ACYP2: variants seen among roughly 807,000 people sequenced by gnomAD.
ACYP2 encodes the protein acylphosphatase-2.
In ACYP2, 12 loss-of-function variants were observed where a neutral mutation model predicts 11.2. The observed-to-expected ratio is 1.08, with a 90% CI of 0.69 to 1.74. ACYP2 has a LOEUF of 1.74. Ranked by LOEUF, ACYP2 falls within the 40% of genes most tolerant of loss-of-function variation. The pLI is 0.00. For missense variants in ACYP2, 134 were observed against 101.9 expected (o/e 1.31, Z -1.35); for synonymous variants, 43 against 32.2 (o/e 1.33, Z -1.13).
intron 2 of ACYP2, among the ~76,000 whole-genome samples, chr2:53,998,444 T>C (rs11904365): frequency 0.1 from 15,203 of 152,050 alleles, 1,067 homozygotes; most frequent in African/African-American, 0.2. Flanking sequence ...AATAAACGAA[T>C]TGGTTGGGAA....
intron 5 of ACYP2, among the ~76,000 whole-genome samples, chr2:54,136,324 G>A (rs962282270): frequency 1.1e-4 from 17 of 152,048 alleles, no homozygotes; most frequent in African/African-American, 4.1e-4. Context: ...CTGGCTCCAT[G>A]TTGCTTTTAA....
At chr2:54,034,961 G>A (rs962372484) in intron 2 of ACYP2, among the ~76,000 whole-genome samples, 4 of 132,938 alleles carry the variant, frequency 3.0e-5, no homozygotes, top group East Asian at 2.4e-4. Flanking sequence ...AGTGAGCTGA[G>A]ATCATGCCAC....
chr2:54,203,127 A>G (rs1037779267), intron 6 of ACYP2, among the ~76,000 whole-genome samples: 2 of 151,780 alleles, frequency 1.3e-5, no homozygotes, highest in African/African-American at 4.8e-5. Context: ...ATTTATTTAG[A>G]TCTTTTTAAA....
chr2:54,199,399 G>C (rs1684657212), intron 6 of ACYP2, among the ~76,000 whole-genome samples: 2 of 152,314 alleles, frequency 1.3e-5, no homozygotes, highest in East Asian at 1.9e-4. Flanking sequence ...AGATTATTAA[G>C]ATTTTCAGGA....
chr2:54,213,906 C>A (rs1685443490), intron 6 of ACYP2, among the ~76,000 whole-genome samples: 1 of 151,916 alleles, frequency 6.6e-6, no homozygotes, highest in Non-Finnish European at 1.5e-5. Flanking sequence ...TAGCTAAGAC[C>A]ACAGGGGCAT....
chr2:54,021,327 T>C (rs888287577), intron 2 of ACYP2, among the ~76,000 whole-genome samples: 2 of 152,178 alleles, frequency 1.3e-5, no homozygotes, highest in African/African-American at 4.8e-5. Flanking sequence ...GATTGTTTAC[T>C]GAAACTAGGG....
intron 6 of ACYP2, among the ~76,000 whole-genome samples, chr2:54,269,273 A>C (rs1432048132): frequency 6.6e-6 from 1 of 152,214 alleles, no homozygotes; most frequent in Non-Finnish European, 1.5e-5. Flanking sequence ...TAATCTAAAC[A>C]ATGCCTTTTA....
At chr2:54,002,544 G>T (rs1370635403) in intron 2 of ACYP2, among the ~76,000 whole-genome samples, 2 of 151,632 alleles carry the variant, frequency 1.3e-5, no homozygotes, top group African/African-American at 4.8e-5. Flanking sequence ...CGAGGGACAG[G>T]GTTTCACCAT....
At chr2:54,106,709 G>T (rs1292591148) in intron 4 of ACYP2, among the ~76,000 whole-genome samples, 1 of 152,048 alleles carries the variant, frequency 6.6e-6, no homozygotes, top group Non-Finnish European at 1.5e-5. Flanking sequence ...TCTGCCTCCT[G>T]AGTAGCTGGG....
chr2:54,094,480 C>T (rs921519079), intron 4 of ACYP2, among the ~76,000 whole-genome samples: 8 of 152,070 alleles, frequency 5.3e-5, no homozygotes, highest in Non-Finnish European at 1.5e-5. Context: ...CTACCCACCT[C>T]GGCCTCCCAA....
At chr2:54,036,011 A>G (rs1674878522) in intron 2 of ACYP2, among the ~76,000 whole-genome samples, 1 of 152,220 alleles carries the variant, frequency 6.6e-6, no homozygotes, top group Non-Finnish European at 1.5e-5. Flanking sequence ...GCCTAGGTAA[A>G]CATATAGACA....
intron 4 of ACYP2, among the ~76,000 whole-genome samples, chr2:54,128,143 T>C (rs1558551432): frequency 6.6e-6 from 1 of 152,196 alleles, no homozygotes; most frequent in Non-Finnish European, 1.5e-5. Flanking sequence ...CATATGCAAT[T>C]GGCAAAAAAT....
chr2:54,012,336 C>T (rs1329499684), intron 2 of ACYP2, among the ~76,000 whole-genome samples: 1 of 151,746 alleles, frequency 6.6e-6, no homozygotes, highest in African/African-American at 2.4e-5. Flanking sequence ...CAAGACCTCG[C>T]TCCTATCTAC....
intron 4 of ACYP2, among the ~76,000 whole-genome samples, chr2:54,127,112 T>C (rs1024132286): frequency 1.1e-4 from 16 of 151,950 alleles, no homozygotes; most frequent in Admixed American, 2.0e-4. Context: ...TTTTTTTTTT[T>C]TTTTGGACAT....
intron 4 of ACYP2, among the ~76,000 whole-genome samples, chr2:54,098,919 G>C (rs1355346463): frequency 6.6e-6 from 1 of 152,046 alleles, no homozygotes. Flanking sequence ...GTAGAGATGA[G>C]GTCTTGCTAT....
chr2:54,081,730 T>A (rs943215329), intron 4 of ACYP2, among the ~76,000 whole-genome samples: 2 of 152,236 alleles, frequency 1.3e-5, no homozygotes, highest in African/African-American at 4.8e-5. Context: ...CTGCTTTTGC[T>A]TTTACATGTC....
intron 6 of ACYP2, among the ~76,000 whole-genome samples, chr2:54,145,954 T>C (rs908813825): frequency 6.6e-6 from 1 of 152,230 alleles, no homozygotes; most frequent in South Asian, 2.1e-4. Flanking sequence ...GCTGCTTTCC[T>C]GTAGAGCAGG....
At chr2:54,108,636 G>A (rs772536218) in intron 4 of ACYP2, among the ~76,000 whole-genome samples, 7 of 151,806 alleles carry the variant, frequency 4.6e-5, no homozygotes, top group South Asian at 2.1e-4. Flanking sequence ...TTTTTCCCCC[G>A]AGTTGGTGGC....
At chr2:53,996,308 AG>A (rs913619989) in intron 2 of ACYP2, among the ~76,000 whole-genome samples, 1 of 152,146 alleles carries the variant, frequency 6.6e-6, no homozygotes, top group African/African-American at 2.4e-5. Context: ...CAAGAAGTGT[AG>A]GGGGTGGAAT....
Sources: allele counts gnomAD v4.1 joint callset (sites outside exome capture counted in the v4.1 genomes callset), GRCh38; gene constraint gnomAD v4.1.1; transcripts MANE v1.5; gene names NCBI Gene and HGNC (gene_info 2026-07-23, HGNC 2026-07-21).